Variants in CORO1C observed in about 807,000 individuals in gnomAD.
CORO1C encodes coronin-1C.
A neutral mutation model predicts 51.2 loss-of-function variants in CORO1C; 14 were observed. The observed-to-expected ratio is 0.27, with a 90% confidence interval of 0.18 to 0.43. CORO1C has a LOEUF of 0.43. Among genes scored for constraint, CORO1C ranks in the 20% least tolerant of loss-of-function variants. The probability of loss-of-function intolerance (pLI) is 1.00; values close to 1 mark genes in which losing one functional copy is unlikely to be tolerated. For synonymous variants in CORO1C, 181 were observed against 210.5 expected (o/e 0.86, Z 1.21); for missense variants, 417 against 607.8 (o/e 0.69, Z 3.30).
chr12:108,673,625 C>T (rs936413601), intron 3 of CORO1C, among the ~76,000 whole-genome samples: 4 of 152,162 alleles, frequency 2.6e-5, no homozygotes, highest in Non-Finnish European at 5.9e-5. Flanking sequence ...GAAGTCAATG[C>T]CTGGCTTCAA....
chr12:108,684,482 T>C (rs1307873064), intron 2 of CORO1C, among the ~76,000 whole-genome samples: 1 of 152,180 alleles, frequency 6.6e-6, no homozygotes, highest in Non-Finnish European at 1.5e-5. Context: ...TATTGCCGCA[T>C]TGTTGGAAAT....
In CORO1C at chr12:108,648,870, C is replaced by G; in HGVS notation, c.1060-20G>C. ...GTCAGACTACAAGAGACATTTGGCA[C>G]CCGTGGGTAAGGAAGAAGAAAGGCC... On this transcript the variant is annotated intron_variant, in intron 9 of 10. Transcript: ENST00000261401. 6.2e-7 allele frequency: 1 copy of G among 1,613,846 alleles called. No individual in the cohort carries two copies. Among genetic ancestry groups the G allele is most frequent in the Non-Finnish European group, 8.5e-7 (1 of 1,179,922 alleles).
At chr12:108,723,660 A>G (rs961971875) in intron 1 of CORO1C, among the ~76,000 whole-genome samples, 1 of 152,250 alleles carries the variant, frequency 6.6e-6, no homozygotes, top group African/African-American at 2.4e-5. Flanking sequence ...CCATGTGACC[A>G]GACTTGCAGT....
rs2032725414 is a variant in CORO1C, at chr12:108,652,505, A to C, written c.856-88T>G. Reference sequence around the variant, plus strand: ...TGTCTCTCTCCTCTACAAACCCAGCAGTAGTTGGGACCCCGCTTCAGTAGC... The same window carrying C: ...TGTCTCTCTCCTCTACAAACCCAGCCGTAGTTGGGACCCCGCTTCAGTAGC... On this transcript the variant is annotated intron_variant, in intron 7 of 10. Coordinates refer to ENST00000261401, the MANE Select transcript of CORO1C (RefSeq NM_014325.4). The C allele has an allele frequency of 2.9e-6, 3 of 1,042,214 alleles. No homozygotes were observed. The South Asian group carries it at 4.3e-5, about 15-fold the overall frequency. 64.6% of individuals were successfully genotyped at this position (1,042,214 alleles called of 1,614,324 possible). A position where few individuals can be genotyped will look rare whatever the true frequency, so the allele number is the denominator to read the frequency against.
rs567623508 is a variant in CORO1C at position 108,667,563 on chromosome 12, T to C, written c.319-5405A>G. On this transcript the variant is annotated intron_variant, in intron 3 of 10. Coordinates refer to ENST00000261401, the MANE Select transcript of CORO1C (RefSeq NM_014325.4). ...TTTCTGTTTGGACAACACATTACTA[T>C]GGCAATGTTTTGTTTTGAAAGGACA... 2.0e-5 allele frequency among the ~76,000 whole-genome samples: 3 copies of C among 152,346 alleles called. No individual in the cohort carries two copies. The East Asian group carries it at 5.8e-4, about 29-fold the overall frequency.
At chr12:108,720,160 T>G (rs555886774) in intron 1 of CORO1C, among the ~76,000 whole-genome samples, 1 of 152,180 alleles carries the variant, frequency 6.6e-6, no homozygotes, top group Non-Finnish European at 1.5e-5. Context: ...CACTCCAGCC[T>G]GGGTGACAGA....
intron 6 of CORO1C, among the ~76,000 whole-genome samples, chr12:108,656,319 C>G (rs1487971931): frequency 2.2e-5 from 1 of 44,944 alleles, no homozygotes; most frequent in Non-Finnish European, 4.5e-5. Context: ...GCCAGCCGCC[C>G]CGTCCGGGAG....
chr12:108,649,184 T>A, intron 8 of CORO1C, 164 bp from the exon 9 acceptor site: 1 of 734,082 alleles, frequency 1.4e-6, no homozygotes, highest in Non-Finnish European at 2.2e-6. Flanking sequence ...GTGTTCCCGG[T>A]TGACAGATGA....
intron 1 of CORO1C, among the ~76,000 whole-genome samples, chr12:108,707,636 G>C (rs1484685232): frequency 2.0e-5 from 3 of 152,074 alleles, no homozygotes; most frequent in African/African-American, 7.2e-5. Context: ...TAGAAAAACT[G>C]GATTCCATCA....
Position 108,647,319 on chromosome 12 carries a change from GC to G in CORO1C, c.*83del. 2.3e-6 allele frequency: 3 copies of G among 1,304,228 alleles called. No individual in the cohort carries two copies. The highest frequency in any genetic ancestry group is 2.1e-6 in the Non-Finnish European group (2 of 970,918). 80.8% of individuals were successfully genotyped at this position (1,304,228 alleles called of 1,614,324 possible). Reference sequence around the variant, plus strand: ...TCCAAATGGCAGTGCCTCCCTTTCCGCCCTCCCTAGGACCACACCAATAACC... The same window carrying G: ...TCCAAATGGCAGTGCCTCCCTTTCCGCCTCCCTAGGACCACACCAATAACC... On this transcript the variant is annotated 3_prime_UTR_variant, in exon 11 of 11. Transcript: ENST00000261401.
chr12:108,716,090 C>T (rs1332605812), intron 1 of CORO1C, among the ~76,000 whole-genome samples: 3 of 123,922 alleles, frequency 2.4e-5, no homozygotes, highest in African/African-American at 9.0e-5. Context: ...AAGATCGCCA[C>T]TGCACTCCAG....
intron 2 of CORO1C, among the ~76,000 whole-genome samples, chr12:108,680,058 T>G (rs1407870395): frequency 6.6e-6 from 1 of 152,220 alleles, no homozygotes; most frequent in Non-Finnish European, 1.5e-5. Context: ...CATTAAGAAT[T>G]AACAAATATG....
At chr12:108,685,719 G>A (rs1201862528) in intron 2 of CORO1C, among the ~76,000 whole-genome samples, 2 of 152,284 alleles carry the variant, frequency 1.3e-5, no homozygotes, top group East Asian at 3.9e-4. Flanking sequence ...CTCTGGTTGT[G>A]ATGTCATCAT....
chr12:108,662,956 G>A (rs1261943763), intron 3 of CORO1C, among the ~76,000 whole-genome samples: 2 of 152,190 alleles, frequency 1.3e-5, no homozygotes, highest in African/African-American at 2.4e-5. Context: ...CCTGAATATA[G>A]AAAGAACTCT....
At position 108,658,967 on chromosome 12, in the gene CORO1C, G is replaced by A; in HGVS notation, c.449-48C>T. The A allele has an allele frequency of 6.4e-7, 1 of 1,562,934 alleles. No homozygotes were observed. Among genetic ancestry groups the A allele is most frequent in the Non-Finnish European group, 8.8e-7 (1 of 1,141,736 alleles). On this transcript the variant is annotated intron_variant, in intron 4 of 10. Coordinates refer to ENST00000261401, the MANE Select transcript of CORO1C (RefSeq NM_014325.4). The surrounding 1 kb of genome is among the most constrained non-coding windows in gnomAD (Gnocchi z 4.9). ...AGATTAGAAGATTAGAAACACCTAT[G>A]TAACACACTCAGAAAACTACAGATA...
chr12:108,702,341 T>C (rs1183697720), intron 1 of CORO1C, among the ~76,000 whole-genome samples: 2 of 152,114 alleles, frequency 1.3e-5, no homozygotes, highest in African/African-American at 4.8e-5. Flanking sequence ...GCCACTTCCC[T>C]AGTAAACCAG....
intron 2 of CORO1C, among the ~76,000 whole-genome samples, chr12:108,679,056 A>G (rs765066547): frequency 8.5e-5 from 12 of 140,842 alleles, no homozygotes; most frequent in Non-Finnish European, 1.8e-4. Context: ...GGTTGCAGTG[A>G]GCCGAGATCG....
intron 2 of CORO1C, among the ~76,000 whole-genome samples, chr12:108,690,993 C>A (rs1950743166): frequency 6.6e-6 from 1 of 152,184 alleles, no homozygotes; most frequent in African/African-American, 2.4e-5. Context: ...GCTAACCCTT[C>A]CCATTGCAGC....
intron 1 of CORO1C, among the ~76,000 whole-genome samples, chr12:108,726,128 C>T (rs780286681): frequency 8.6e-5 from 13 of 152,046 alleles, no homozygotes; most frequent in Non-Finnish European, 1.5e-4. Flanking sequence ...CCACCACGCC[C>T]GGCATGAAAT....
Sources: allele counts gnomAD v4.1 joint callset (sites outside exome capture counted in the v4.1 genomes callset), GRCh38; gene constraint gnomAD v4.1.1; non-coding constraint Gnocchi (gnomAD v3.1); transcripts MANE v1.5; gene names NCBI Gene and HGNC (gene_info 2026-07-23, HGNC 2026-07-21).